The following CCSER1 variants were observed in gnomAD, a reference collection of about 807,000 sequenced individuals.
CCSER1 encodes the protein coiled-coil serine rich protein 1, also known as serine-rich coiled-coil domain-containing protein 1.
In CCSER1, 41 loss-of-function variants were observed where a neutral mutation model predicts 82.0. The ratio of observed to expected loss-of-function variants is 0.50; its 90% CI spans 0.39 to 0.65. The LOEUF is 0.65. Ranked by LOEUF, CCSER1 falls within the 30% of genes least tolerant of loss-of-function variation. CCSER1 has a pLI of 0.00. For synonymous variants in CCSER1, 414 were observed against 383.9 expected (o/e 1.08, Z -0.92); for missense variants, 1,119 against 1,064.2 (o/e 1.05, Z -0.72).
chr4:91,003,361 A>C (rs1459343515), intron 9 of CCSER1, among the ~76,000 whole-genome samples: 4 of 152,088 alleles, frequency 2.6e-5, no homozygotes, highest in Non-Finnish European at 5.9e-5. Context: ...AGGGCTAGGC[A>C]TGTCTGAGCT....
chr4:91,423,556 A>G (rs2149385635), intron 10 of CCSER1, among the ~76,000 whole-genome samples: 1 of 152,296 alleles, frequency 6.6e-6, no homozygotes, highest in African/African-American at 2.4e-5. Flanking sequence ...TTTTATAAAG[A>G]ACAGGCTTGA....
intron 10 of CCSER1, among the ~76,000 whole-genome samples, chr4:91,145,798 T>C (rs1729476436): frequency 6.6e-6 from 1 of 152,200 alleles, no homozygotes; most frequent in South Asian, 2.1e-4. Flanking sequence ...TTCTGGCTTT[T>C]AAGGTTCAAG....
chr4:90,672,416 T>C (rs540595431), intron 6 of CCSER1, among the ~76,000 whole-genome samples: 1 of 152,140 alleles, frequency 6.6e-6, no homozygotes, highest in Admixed American at 6.6e-5. Context: ...TTCTGCAGTT[T>C]CCTCACTTCT....
chr4:90,512,870 T>G (rs1771741024), intron 5 of CCSER1, among the ~76,000 whole-genome samples: 1 of 152,062 alleles, frequency 6.6e-6, no homozygotes, highest in Admixed American at 6.5e-5. Flanking sequence ...AAAACATGTC[T>G]TCTTCTGGAC....
At chr4:91,432,274 C>A (rs1424441751) in intron 10 of CCSER1, among the ~76,000 whole-genome samples, 3 of 152,092 alleles carry the variant, frequency 2.0e-5, no homozygotes, top group Non-Finnish European at 4.4e-5. Flanking sequence ...TTCTTTATAG[C>A]AGTGTGATAA....
chr4:90,344,911 C>T (rs769231221), intron 3 of CCSER1, among the ~76,000 whole-genome samples: 3 of 151,972 alleles, frequency 2.0e-5, no homozygotes, highest in African/African-American at 7.2e-5. Flanking sequence ...ACTACTTTCT[C>T]GTTGTGTATA....
chr4:90,682,064 G>T (rs1733985372), intron 6 of CCSER1, among the ~76,000 whole-genome samples: 1 of 151,118 alleles, frequency 6.6e-6, no homozygotes, highest in African/African-American at 2.4e-5. Flanking sequence ...GCTTGCTGTT[G>T]AGCAAGTGTG....
intron 10 of CCSER1, among the ~76,000 whole-genome samples, chr4:91,567,046 C>A (rs1336966119): frequency 6.6e-6 from 1 of 151,460 alleles, no homozygotes; most frequent in Non-Finnish European, 1.5e-5. Flanking sequence ...AATTTCCCTG[C>A]CTTAGCTGTG....
intron 4 of CCSER1, among the ~76,000 whole-genome samples, chr4:90,441,026 G>A (rs1341728345): frequency 6.6e-6 from 1 of 152,134 alleles, no homozygotes. Context: ...AAGGGACGAG[G>A]GAAGACAAAC....
At chr4:91,502,734 G>A (rs1210136336) in intron 10 of CCSER1, among the ~76,000 whole-genome samples, 3 of 151,880 alleles carry the variant, frequency 2.0e-5, no homozygotes, top group African/African-American at 7.3e-5. Flanking sequence ...TTTCTTTTTT[G>A]TTTGTGGTAA....
chr4:90,704,721 A>C (rs1309508226), intron 6 of CCSER1, among the ~76,000 whole-genome samples: 1 of 152,020 alleles, frequency 6.6e-6, no homozygotes, highest in Non-Finnish European at 1.5e-5. Context: ...CATTTCATTC[A>C]TTTGATCTTT....
At chr4:91,491,624 T>C (rs1758548376) in intron 10 of CCSER1, among the ~76,000 whole-genome samples, 1 of 152,112 alleles carries the variant, frequency 6.6e-6, no homozygotes, top group Admixed American at 6.6e-5. Context: ...TAAAAACTTA[T>C]TTACCTTATC....
intron 10 of CCSER1, among the ~76,000 whole-genome samples, chr4:91,367,883 A>G (rs568360898): frequency 1.3e-5 from 2 of 152,292 alleles, no homozygotes; most frequent in Non-Finnish European, 2.9e-5. Context: ...TATGTCAGTC[A>G]TTCTCAAGAA....
chr4:90,702,266 G>T (rs1378595490), intron 6 of CCSER1, among the ~76,000 whole-genome samples: 1 of 152,084 alleles, frequency 6.6e-6, no homozygotes, highest in Non-Finnish European at 1.5e-5. Context: ...TTATATGCTG[G>T]ATTACGTTTA....
At chr4:90,281,174 C>A (rs1158662827) in intron 1 of CCSER1, among the ~76,000 whole-genome samples, 1 of 151,914 alleles carries the variant, frequency 6.6e-6, no homozygotes, top group Non-Finnish European at 1.5e-5. Flanking sequence ...GGCCATTATC[C>A]TAAGAGAACT....
At chr4:90,644,589 C>T (rs1038778830) in intron 6 of CCSER1, among the ~76,000 whole-genome samples, 5 of 151,984 alleles carry the variant, frequency 3.3e-5, no homozygotes, top group African/African-American at 9.7e-5. Context: ...TTAAGCTCCA[C>T]GTGCATTGGC....
chr4:90,849,811 A>G (rs911214778), intron 8 of CCSER1, among the ~76,000 whole-genome samples: 7 of 145,208 alleles, frequency 4.8e-5, no homozygotes, highest in Admixed American at 3.4e-4. Flanking sequence ...AAAAAAAAAA[A>G]GAAAACCCAT....
chr4:90,660,283 T>C (rs1730526643), intron 6 of CCSER1, among the ~76,000 whole-genome samples: 1 of 152,044 alleles, frequency 6.6e-6, no homozygotes, highest in African/African-American at 2.4e-5. Flanking sequence ...TCAACCTAAG[T>C]GTCCATCGTC....
intron 10 of CCSER1, among the ~76,000 whole-genome samples, chr4:91,508,162 G>GTTTTTT (rs139066436): frequency 2.0e-4 from 20 of 97,644 alleles, no homozygotes; most frequent in East Asian, 1.0e-3. Context: ...TTTTTTCTGG[G>GTTTTTT]TTTTTTTTTT....
Sources: gnomAD v4.1 joint callset for allele counts (sites outside exome capture counted in the v4.1 genomes callset) on GRCh38, gnomAD v4.1.1 for gene constraint, MANE v1.5 for transcripts, NCBI Gene and HGNC (gene_info 2026-07-23, HGNC 2026-07-21) for gene names.